Variants in CCBE1 observed in about 807,000 individuals in gnomAD.
CCBE1 encodes the protein collagen and calcium-binding EGF domain-containing protein 1.
Under a neutral mutation model 50.0 loss-of-function variants are expected in CCBE1, and 37 were observed. The observed-to-expected ratio is 0.74, with a 90% confidence interval of 0.57 to 0.97. The LOEUF is 0.97. Among genes scored for constraint, CCBE1 ranks in the 50% least tolerant of loss-of-function variants. CCBE1 has a pLI of 0.00. For synonymous variants in CCBE1, 234 were observed against 203.7 expected (o/e 1.15, Z -1.27); for missense variants, 538 against 523.8 (o/e 1.03, Z -0.26).
At chr18:59,485,403 A>G (rs981666142) in intron 2 of CCBE1, among the ~76,000 whole-genome samples, 5 of 152,138 alleles carry the variant, frequency 3.3e-5, no homozygotes, top group Non-Finnish European at 5.9e-5. Context: ...TCATTATGTT[A>G]GAGACTAGAA....
intron 2 of CCBE1, among the ~76,000 whole-genome samples, chr18:59,675,971 A>G (rs1255055131): frequency 6.6e-6 from 1 of 152,184 alleles, no homozygotes; most frequent in Non-Finnish European, 1.5e-5. Flanking sequence ...AAAGCCAAAA[A>G]CTACATCCCC....
At chr18:59,548,666 T>G (rs928071705) in intron 2 of CCBE1, among the ~76,000 whole-genome samples, 22 of 151,986 alleles carry the variant, frequency 1.4e-4, no homozygotes, top group Admixed American at 5.9e-4. Context: ...AGAAATACAC[T>G]TTGGGCCAGG....
chr18:59,606,643 A>G (rs1398008869), intron 2 of CCBE1, among the ~76,000 whole-genome samples: 3 of 152,206 alleles, frequency 2.0e-5, no homozygotes, highest in East Asian at 1.9e-4. Flanking sequence ...AAGAAGCACA[A>G]GAATCATCTC....
chr18:59,620,735 C>A (rs567591543), intron 2 of CCBE1, among the ~76,000 whole-genome samples: 2 of 152,244 alleles, frequency 1.3e-5, no homozygotes, highest in Non-Finnish European at 2.9e-5. Flanking sequence ...ATAAGACATC[C>A]CTTTGCTCTT....
intron 2 of CCBE1, among the ~76,000 whole-genome samples, chr18:59,578,950 A>AT (rs1337789563): frequency 6.6e-6 from 1 of 152,226 alleles, no homozygotes; most frequent in Non-Finnish European, 1.5e-5. Context: ...AGGTATAATA[A>AT]TTTTTTAAAA....
chr18:59,622,831 A>AG (rs1048826169), intron 2 of CCBE1, among the ~76,000 whole-genome samples: 2 of 149,762 alleles, frequency 1.3e-5, no homozygotes, highest in African/African-American at 4.9e-5. Flanking sequence ...AGAAAAAAGA[A>AG]AAAAAAAAAA....
At chr18:59,513,134 C>T (rs1416308640) in intron 2 of CCBE1, among the ~76,000 whole-genome samples, 2 of 152,210 alleles carry the variant, frequency 1.3e-5, no homozygotes, top group South Asian at 4.1e-4. Context: ...ATGGCAAAAC[C>T]CCATCTCCAC....
At chr18:59,523,869 T>C (rs1914708415) in intron 2 of CCBE1, among the ~76,000 whole-genome samples, 1 of 152,154 alleles carries the variant, frequency 6.6e-6, no homozygotes, top group African/African-American at 2.4e-5. Context: ...TCTGCATTGG[T>C]GATGTGATAC....
rs1255843338 is a variant in CCBE1 at position 59,692,204 on chromosome 18, AG to A, written c.212+4424del. ...TGAGCATCTAAAACATTCAACATGC[AG>A]ACTTGGCAAGATGTAGTGATGACGA... is the stretch of plus-strand genomic sequence containing the variant. On this transcript the variant is annotated intron_variant, in intron 2 of 10. Coordinates refer to ENST00000439986, the MANE Select transcript of CCBE1 (RefSeq NM_133459.4). Among the ~76,000 whole-genome samples, 4 of 152,376 alleles carry A rather than the reference AG, an allele frequency of 2.6e-5. No individual in the cohort carries two copies. The East Asian group carries it at 7.7e-4, about 29-fold the overall frequency.
chr18:59,597,510 G>T (rs1435231404), intron 2 of CCBE1, among the ~76,000 whole-genome samples: 3 of 152,150 alleles, frequency 2.0e-5, no homozygotes, highest in Non-Finnish European at 4.4e-5. Context: ...CTCTCTGTAT[G>T]ACCCAAGGCT....
chr18:59,649,277 C>T (rs1387335354), intron 2 of CCBE1, among the ~76,000 whole-genome samples: 1 of 152,202 alleles, frequency 6.6e-6, no homozygotes, highest in African/African-American at 2.4e-5. Context: ...CCTGCCCCTC[C>T]CTACTGGGAC....
chr18:59,453,125 A>G (rs1027118897), intron 6 of CCBE1, among the ~76,000 whole-genome samples: 6 of 152,226 alleles, frequency 3.9e-5, no homozygotes, highest in Non-Finnish European at 5.9e-5. Flanking sequence ...GACTTGCGCT[A>G]TTTAGCCCCC....
At chr18:59,620,488 T>A (rs1045177045) in intron 2 of CCBE1, among the ~76,000 whole-genome samples, 3 of 152,188 alleles carry the variant, frequency 2.0e-5, no homozygotes, top group Non-Finnish European at 4.4e-5. Context: ...TAATACTATA[T>A]GTAGCAGGAT....
At position 59,654,033 on chromosome 18, in the gene CCBE1, A is replaced by G. The variant is rs545674826; in HGVS notation, c.212+42596T>C. Among the ~76,000 whole-genome samples the G allele has an allele frequency of 2.8e-4, 43 of 152,332 alleles. 2 individuals carry two copies. The highest frequency in any genetic ancestry group is 1.0e-3 in the African/African-American group (42 of 41,576). ...TTAGAGACAGAAAGAAGCATCATTC[A>G]ATGTTTTAAAAGTAGGTTGGAAAAA... On this transcript the variant is annotated intron_variant, in intron 2 of 10. Coordinates refer to ENST00000439986, the MANE Select transcript of CCBE1 (RefSeq NM_133459.4).
intron 2 of CCBE1, among the ~76,000 whole-genome samples, chr18:59,599,926 C>T (rs1368430108): frequency 2.0e-5 from 3 of 152,124 alleles, no homozygotes. Context: ...CATTGTCACC[C>T]CTGGCTCACT....
intron 6 of CCBE1, among the ~76,000 whole-genome samples, chr18:59,451,941 C>G: frequency 6.8e-6 from 1 of 146,464 alleles, no homozygotes; most frequent in Admixed American, 6.8e-5. Context: ...CAAGTCACCA[C>G]TTTCCTTTCA....
intron 2 of CCBE1, among the ~76,000 whole-genome samples, chr18:59,624,642 C>A (rs2053756043): frequency 6.6e-6 from 1 of 152,142 alleles, no homozygotes; most frequent in Non-Finnish European, 1.5e-5. Context: ...GTCTCAGCTT[C>A]CTCCAAGTAC....
At chr18:59,528,295 ATGT>A (rs1257286581) in intron 2 of CCBE1, among the ~76,000 whole-genome samples, 1 of 151,816 alleles carries the variant, frequency 6.6e-6, no homozygotes, top group Non-Finnish European at 1.5e-5. Flanking sequence ...TGAAGTTCTC[ATGT>A]TGTTTTTCAG....
intron 2 of CCBE1, among the ~76,000 whole-genome samples, chr18:59,484,730 C>G (rs1486847663): frequency 6.6e-6 from 1 of 152,208 alleles, no homozygotes; most frequent in Non-Finnish European, 1.5e-5. Context: ...CTGACCCCAG[C>G]TGTCTGCTCA....
Sources: gnomAD v4.1 joint callset for allele counts (sites outside exome capture counted in the v4.1 genomes callset) on GRCh38, gnomAD v4.1.1 for gene constraint, MANE v1.5 for transcripts, NCBI Gene and HGNC (gene_info 2026-07-23, HGNC 2026-07-21) for gene names.